Variants in CYP2J2 observed in about 807,000 individuals in gnomAD.
CYP2J2 encodes cytochrome P450 2J2.
A neutral mutation model predicts 48.8 loss-of-function variants in CYP2J2; 41 were observed. That is an observed-to-expected ratio of 0.84 (90% confidence interval 0.66 to 1.09). The LOEUF is 1.09. CYP2J2 is among the 50% of genes least tolerant of loss of function. The pLI is 0.00. For synonymous variants in CYP2J2, 221 were observed against 227.1 expected (o/e 0.97, Z 0.24); for missense variants, 644 against 617.3 (o/e 1.04, Z -0.46).
the CYP2J2 span, among the ~76,000 whole-genome samples, chr1:59,935,015 C>CATATACAT: frequency 4.2e-5 from 2 of 47,506 alleles, no homozygotes; most frequent in Admixed American, 5.7e-4. Context: ...TATATATATA[C>CATATACAT]ATATATATAT....
At chr1:59,935,017 T>TATATATATATATAC in the CYP2J2 span, among the ~76,000 whole-genome samples, 1 of 33,176 alleles carries the variant, frequency 3.0e-5, no homozygotes, top group Admixed American at 3.0e-4. Context: ...TATATATACA[T>TATATATATATATAC]ATATATATAT....
the CYP2J2 span, among the ~76,000 whole-genome samples, chr1:59,942,794 TTGA>T: frequency 6.6e-6 from 1 of 152,096 alleles, no homozygotes; most frequent in East Asian, 1.9e-4. Flanking sequence ...AACGAGCTTG[TTGA>T]TGAGAAGAGA....
intron 8 of CYP2J2, 34 bp downstream of exon 8, chr1:59,900,931 C>T: frequency 6.2e-7 from 1 of 1,601,722 alleles, no homozygotes; most frequent in Non-Finnish European, 8.5e-7. Context: ...GAGAGGGGCC[C>T]TGGACTCCCA....
Position 59,917,409 on chromosome 1 carries a change from AG to A in CYP2J2, c.211-1310del, listed in dbSNP as rs1644475742. On this transcript the variant is annotated intron_variant, in intron 1 of 8. Coordinates refer to ENST00000371204, the MANE Select transcript of CYP2J2 (RefSeq NM_000775.4). ...CTCATTAATCTCACAACCACCTTAC[AG>A]TAGTAATAGTTCTTATCTTTCAAGA... Among the ~76,000 whole-genome samples the A allele has an allele frequency of 2.0e-5, 3 of 152,222 alleles. No homozygotes were observed. The South Asian group carries it at 6.2e-4, about 32-fold the overall frequency.
Position 59,912,253 on chromosome 1 carries a change from T to C in CYP2J2, c.432A>G (p.Ala144=), listed in dbSNP as rs535842962. 5 of 1,613,802 alleles carry C rather than the reference T, an allele frequency of 3.1e-6. No homozygotes were observed. The highest frequency in any genetic ancestry group is 1.3e-5 in the African/African-American group (1 of 74,892). Residue 144 remains alanine (A), a synonymous_variant, in exon 3 of 9, where the codon GCA becomes GCG. Coordinates refer to ENST00000371204, the MANE Select transcript of CYP2J2 (RefSeq NM_000775.4). The part of the protein sequence containing the change: ...WKEQRRFTLT[A]LRNFGLGKKS... The stretch of plus-strand genomic sequence containing the variant: ...TCTTTCCTAAACCAAAGTTCCTTAG[T>C]GCTGTCAGAGTGAACCTTCTTTGCT...
At chr1:59,953,652 A>T in the CYP2J2 span, among the ~76,000 whole-genome samples, 4 of 152,034 alleles carry the variant, frequency 2.6e-5, no homozygotes, top group African/African-American at 9.7e-5. Context: ...ATTTGAATGG[A>T]GATCTAAATG....
In CYP2J2 at chr1:59,926,743, G is replaced by A; in HGVS notation, c.4C>T (p.Leu2Phe). The change falls in exon 1 of 9, where the codon CTC becomes TTC. Residue 2 changes from leucine (L) to phenylalanine (F), a missense_variant. Leu to Phe is a conservative substitution (Grantham distance 22). Coordinates refer to ENST00000371204, the MANE Select transcript of CYP2J2 (RefSeq NM_000775.4). M[L>F]AAMGSLAAAL... ...GCCGCCAGAGAGCCCATCGCCGCGA[G>A]CATGGCTCAGACGTCCTCCTGCTCT... 1 of 1,612,304 alleles carries A rather than the reference G, an allele frequency of 6.2e-7. No homozygotes were observed.
upstream of CYP2J2, among the ~76,000 whole-genome samples, chr1:59,927,675 C>A (rs368118763): frequency 7.2e-5 from 11 of 152,300 alleles, no homozygotes; most frequent in East Asian, 1.7e-3. Context: ...CGGGTTCAAG[C>A]GATTCTTCTG....
the CYP2J2 span, among the ~76,000 whole-genome samples, chr1:59,955,564 A>T: frequency 0.075 from 11,398 of 152,058 alleles, 458 homozygotes; most frequent in African/African-American, 0.11. Flanking sequence ...AAAAATAGCA[A>T]CCATACAGTG....
At chr1:59,897,889 G>A (rs974892653) in intron 8 of CYP2J2, among the ~76,000 whole-genome samples, 13 of 152,122 alleles carry the variant, frequency 8.5e-5, no homozygotes, top group African/African-American at 2.9e-4. Context: ...GAACAGCAAG[G>A]AAAAGCAACT....
At chr1:59,949,275 A>G in the CYP2J2 span, among the ~76,000 whole-genome samples, 3 of 152,136 alleles carry the variant, frequency 2.0e-5, no homozygotes, top group South Asian at 4.1e-4. Flanking sequence ...TTTGTCTGCT[A>G]TGGATTTCTA....
chr1:59,896,442 T>G (rs12403492), intron 8 of CYP2J2, among the ~76,000 whole-genome samples: 3 of 152,046 alleles, frequency 2.0e-5, no homozygotes, highest in Non-Finnish European at 2.9e-5. Flanking sequence ...CAGATTCCAA[T>G]CCAACATCAC....
the CYP2J2 span, among the ~76,000 whole-genome samples, chr1:59,965,973 G>A: frequency 2.6e-5 from 4 of 152,154 alleles, no homozygotes; most frequent in Admixed American, 2.0e-4. Flanking sequence ...AAATTCTGAC[G>A]ATCATGAAGC....
chr1:59,903,171 A>G (rs541213865), intron 7 of CYP2J2, among the ~76,000 whole-genome samples: 1 of 152,344 alleles, frequency 6.6e-6, no homozygotes, highest in Admixed American at 6.5e-5. Flanking sequence ...CTGCAGGGAT[A>G]GTAACCAAGT....
intron 2 of CYP2J2, chr1:59,912,592 A>G: frequency 3.5e-6 from 1 of 284,508 alleles, no homozygotes; most frequent in Non-Finnish European, 6.5e-6. Flanking sequence ...CACACATTTT[A>G]CTAATGAAAA....
chr1:59,959,657 G>GCACATATACATATATATA, the CYP2J2 span, among the ~76,000 whole-genome samples: 1 of 151,486 alleles, frequency 6.6e-6, no homozygotes, highest in Non-Finnish European at 1.5e-5. Context: ...ATACATATAT[G>GCACATATACATATATATA]CACATATACA....
the CYP2J2 span, among the ~76,000 whole-genome samples, chr1:59,945,225 T>G: frequency 6.6e-6 from 1 of 152,178 alleles, no homozygotes; most frequent in Non-Finnish European, 1.5e-5. Context: ...TTTTGTGGTT[T>G]AATTTTTGCT....
upstream of CYP2J2, among the ~76,000 whole-genome samples, chr1:59,929,075 G>A (rs968925776): frequency 3.3e-5 from 5 of 152,156 alleles, no homozygotes; most frequent in African/African-American, 1.2e-4. Flanking sequence ...TACCAACAGG[G>A]GCAGACAGTT....
At chr1:59,921,357 G>A (rs886536497) in intron 1 of CYP2J2, among the ~76,000 whole-genome samples, 2 of 152,276 alleles carry the variant, frequency 1.3e-5, no homozygotes, top group East Asian at 3.9e-4. Context: ...ATGCCAGGTT[G>A]GGCTGCCAGA....
Sources: allele counts gnomAD v4.1 joint callset (sites outside exome capture counted in the v4.1 genomes callset), GRCh38; gene constraint gnomAD v4.1.1; transcripts MANE v1.5; gene names NCBI Gene and HGNC (gene_info 2026-07-23, HGNC 2026-07-21).